The following EBF1 variants were observed in gnomAD, a reference collection of about 807,000 sequenced individuals.
EBF1 encodes EBF transcription factor 1, also known as transcription factor COE1.
Under a neutral mutation model 68.4 loss-of-function variants are expected in EBF1, and 10 were observed. The observed-to-expected ratio is 0.15, with a 90% confidence interval of 0.09 to 0.25. The LOEUF (loss-of-function observed/expected upper bound fraction) is 0.25, where lower values mean the gene tolerates loss of function less well. EBF1 is among the 10% of genes least tolerant of loss of function. EBF1 has a pLI of 1.00. For missense variants in EBF1, 509 were observed against 794.4 expected (o/e 0.64, Z 4.32); for synonymous variants, 298 against 299.8 (o/e 0.99, Z 0.06).
At chr5:159,095,699 G>A (rs776402517) in intron 3 of EBF1, 24 bp from the exon 4 acceptor site, 3 of 1,613,648 alleles carry the variant, frequency 1.9e-6, no homozygotes, top group South Asian at 2.2e-5. Context: ...TGGGGGAAGG[G>A]AGGAGAATTA....
chr5:159,063,681 TTATC>T (rs1386983379), intron 6 of EBF1, among the ~76,000 whole-genome samples: 4 of 152,188 alleles, frequency 2.6e-5, no homozygotes, highest in Non-Finnish European at 1.5e-5. Context: ...GAATGAGTCT[TTATC>T]TAAGGAGACT....
chr5:158,814,718 T>C lies in EBF1; in HGVS notation c.778+8458A>G, dbSNP rs115101485. On this transcript the variant is annotated intron_variant, in intron 8 of 15. Coordinates refer to ENST00000313708, the MANE Select transcript of EBF1 (RefSeq NM_024007.5). ...CCTTGTACACGTGCCAGAGAGCCCATATGGTCAACAAATGATTTCTAGGGA... is the reference window on the plus strand; with the variant it reads ...CCTTGTACACGTGCCAGAGAGCCCACATGGTCAACAAATGATTTCTAGGGA... Among the ~76,000 whole-genome samples the C allele has an allele frequency of 5.8e-3, 880 of 152,290 alleles. 11 individuals are homozygous for C. The highest frequency in any genetic ancestry group is 0.02 in the African/African-American group (846 of 41,558).
intron 15 of EBF1, among the ~76,000 whole-genome samples, chr5:158,706,369 G>A (rs964385117): frequency 3.3e-5 from 5 of 152,112 alleles, no homozygotes; most frequent in East Asian, 1.9e-4. Context: ...CAACGTGATC[G>A]GGTGCTCAGG....
intron 6 of EBF1, among the ~76,000 whole-genome samples, chr5:158,946,453 G>T (rs1348771679): frequency 6.6e-6 from 1 of 152,124 alleles, no homozygotes; most frequent in Non-Finnish European, 1.5e-5. Context: ...TCTTCTGCAG[G>T]TCTGCTGGAG....
chr5:158,925,876 A>G (rs1354996792), intron 6 of EBF1, among the ~76,000 whole-genome samples: 13 of 152,232 alleles, frequency 8.5e-5, no homozygotes, highest in Admixed American at 5.9e-4. Flanking sequence ...CTCTTGGAAG[A>G]GAATCAGTGT....
At chr5:158,794,969 G>C (rs993977181) in intron 9 of EBF1, among the ~76,000 whole-genome samples, 2 of 152,156 alleles carry the variant, frequency 1.3e-5, no homozygotes, top group Non-Finnish European at 2.9e-5. Context: ...CTCTGATTTG[G>C]CTTTATGAGA....
intron 8 of EBF1, among the ~76,000 whole-genome samples, chr5:158,802,112 C>T (rs1280798894): frequency 4.6e-5 from 7 of 152,054 alleles, no homozygotes; most frequent in Non-Finnish European, 1.0e-4. Flanking sequence ...GTGGTGTGTG[C>T]AGCTATCAGC....
chr5:158,787,276 CTG>C (rs1472265860), intron 9 of EBF1, among the ~76,000 whole-genome samples: 1 of 152,132 alleles, frequency 6.6e-6, no homozygotes, highest in Non-Finnish European at 1.5e-5. Flanking sequence ...TAATATAGTT[CTG>C]TGTTTGCTTT....
chr5:158,705,532 T>G (rs913199382), intron 15 of EBF1, among the ~76,000 whole-genome samples: 16 of 152,232 alleles, frequency 1.1e-4, no homozygotes, highest in African/African-American at 3.9e-4. Context: ...TCTGTACTTT[T>G]GGGATCTGTA....
At position 159,090,307 on chromosome 5, in the gene EBF1, G is replaced by A. The variant is rs537999369; in HGVS notation, c.411+5313C>T. ...CTGGTCTTAGAAATTTCCAGTAGGT[G>A]AAGGCACACTAGTTAAAAATTAAAC... On this transcript the variant is annotated intron_variant, in intron 4 of 15. Transcript: ENST00000313708. 2.9e-4 allele frequency among the ~76,000 whole-genome samples: 43 copies of A among 148,322 alleles called. No individual in the cohort carries two copies. The South Asian group carries it at 8.9e-3, about 31-fold the overall frequency.
intron 6 of EBF1, among the ~76,000 whole-genome samples, chr5:158,893,598 A>C (rs984999384): frequency 2.6e-5 from 4 of 152,196 alleles, no homozygotes; most frequent in Admixed American, 6.5e-5. Flanking sequence ...TTACATGAAG[A>C]ATCTGCTCAC....
intron 6 of EBF1, among the ~76,000 whole-genome samples, chr5:158,955,793 C>T (rs918018258): frequency 2.0e-5 from 3 of 152,106 alleles, no homozygotes; most frequent in Non-Finnish European, 4.4e-5. Flanking sequence ...GATCAACCCT[C>T]AAAGAGTAGA....
chr5:158,963,958 C>T (rs1679038124), intron 6 of EBF1, among the ~76,000 whole-genome samples: 1 of 152,162 alleles, frequency 6.6e-6, no homozygotes, highest in Non-Finnish European at 1.5e-5. Flanking sequence ...GGGGGAGTTA[C>T]ATGGTAAACT....
intron 6 of EBF1, among the ~76,000 whole-genome samples, chr5:158,993,467 T>C (rs1413515703): frequency 6.6e-6 from 1 of 152,196 alleles, no homozygotes; most frequent in African/African-American, 2.4e-5. Context: ...AAAATCCTAG[T>C]GTTTTCCCTC....
chr5:158,980,218 A>T (rs1272425290), intron 6 of EBF1, among the ~76,000 whole-genome samples: 1 of 152,230 alleles, frequency 6.6e-6, no homozygotes, highest in South Asian at 2.1e-4. Flanking sequence ...TTCACGTCTC[A>T]TATGTCAACA....
intron 8 of EBF1, among the ~76,000 whole-genome samples, chr5:158,813,741 G>T (rs1213127308): frequency 1.3e-5 from 2 of 152,222 alleles, no homozygotes; most frequent in Non-Finnish European, 2.9e-5. Context: ...AAGTCATGTA[G>T]TAAGGTAGTG....
chr5:158,849,761 T>C (rs1792262257), intron 6 of EBF1, among the ~76,000 whole-genome samples: 1 of 152,250 alleles, frequency 6.6e-6, no homozygotes, highest in African/African-American at 2.4e-5. Context: ...TTTTCTGACT[T>C]TTCTATGAAT....
rs1755751034 is a variant in EBF1 at position 158,696,331 on chromosome 5, T to G, written c.*2780A>C. On this transcript the variant is annotated 3_prime_UTR_variant, in exon 16 of 16. Transcript: ENST00000313708. ...ATCAGAGGGCCAGAATGTCTTTTCATCTAATCAATAGAAATAGAAGCAACA... is the reference window on the plus strand; with the variant it reads ...ATCAGAGGGCCAGAATGTCTTTTCAGCTAATCAATAGAAATAGAAGCAACA... The G allele has an allele frequency of 4.5e-6, 1 of 221,532 alleles. No individual in the cohort carries two copies. 13.7% of individuals were successfully genotyped at this position (221,532 alleles called of 1,614,324 possible).
intron 6 of EBF1, among the ~76,000 whole-genome samples, chr5:158,861,798 T>C (rs531436427): frequency 2.6e-5 from 4 of 152,010 alleles, no homozygotes; most frequent in Non-Finnish European, 2.9e-5. Flanking sequence ...TGGCATATTT[T>C]GAAATAGTGT....
Sources: gnomAD v4.1 joint callset for allele counts (sites outside exome capture counted in the v4.1 genomes callset) on GRCh38, gnomAD v4.1.1 for gene constraint, MANE v1.5 for transcripts, NCBI Gene and HGNC (gene_info 2026-07-23, HGNC 2026-07-21) for gene names.